The following DRD5 variants were observed in gnomAD, a reference collection of about 807,000 sequenced individuals.
DRD5 encodes dopamine receptor D5.
For synonymous variants in DRD5, 327 were observed against 277.1 expected, an observed-to-expected ratio of 1.18 and a Z score of -1.79; for missense variants, 758 against 657.8, an observed-to-expected ratio of 1.15 and a Z score of -1.67.
rs761482714 is a variant in DRD5 at position 9,783,414 on chromosome 4, A to G, written c.1385A>G (p.Glu462Gly). The change falls in exon 1 of 1, where the codon GAG (glutamate) becomes GGG (glycine). Residue 462 changes from glutamate (E) to glycine (G), a missense_variant. Coordinates refer to ENST00000304374, the MANE Select transcript of DRD5 (RefSeq NM_000798.5). ...ESVWELDCEG[E>G]ISLDKITPFT... is the part of the protein sequence containing the mutation. ...GTCTGGGAGCTGGACTGCGAGGGGG[A>G]GATTTCTTTAGACAAAATAACACCT... 3.1e-6 allele frequency: 5 copies of G among 1,613,656 alleles called. No homozygotes were observed. Among genetic ancestry groups the G allele is most frequent in the East Asian group, 2.2e-5 (1 of 44,882 alleles).
chr4:9,783,133 G>C lies in DRD5; in HGVS notation c.1104G>C (p.Val368=). ...CCTTCAACGCCGACTTTCAGAAGGT[G>C]TTTGCCCAGCTGCTGGGGTGCAGCC... ...IYAFNADFQK[V]FAQLLGCSHF... Residue 368 remains valine, a synonymous_variant, in exon 1 of 1, where the codon GTG becomes GTC. Transcript: ENST00000304374. 1 of 1,614,224 alleles carries C rather than the reference G, an allele frequency of 6.2e-7. No homozygotes were observed. The highest frequency in any genetic ancestry group is 8.5e-7 in the Non-Finnish European group (1 of 1,180,038).
Position 9,782,696 on chromosome 4 carries a change from C to G in DRD5, c.667C>G (p.Arg223Gly). ...AGAGAACTGTGACTCCAGCCTGAAT[C>G]GAACCTACGCCATCTCTTCCTCGCT... ...NAENCDSSLN[R>G]TYAISSSLIS... The change falls in exon 1 of 1, where the codon CGA becomes GGA. Residue 223 changes from arginine to glycine, a missense_variant. Transcript: ENST00000304374. 6.2e-7 allele frequency: 1 copy of G among 1,614,044 alleles called. No homozygotes were observed. The highest frequency in any genetic ancestry group is 8.5e-7 in the Non-Finnish European group (1 of 1,179,882).
chr4:9,783,961 G>T lies in DRD5; in HGVS notation c.*498G>T, dbSNP rs1414422703. ...TGGGGGCCTCTTTACCATAGCTTAAGAAGTATCCCTGATTTATTCTGGTGT... is the reference window on the plus strand; with the variant it reads ...TGGGGGCCTCTTTACCATAGCTTAATAAGTATCCCTGATTTATTCTGGTGT... On this transcript the variant is annotated 3_prime_UTR_variant, in exon 1 of 1. Coordinates refer to ENST00000304374, the MANE Select transcript of DRD5 (RefSeq NM_000798.5). 5.9e-6 allele frequency: 1 copy of T among 169,290 alleles called. No homozygotes were observed. 10.5% of individuals were successfully genotyped at this position (169,290 alleles called of 1,614,324 possible). A position where few individuals can be genotyped will look rare whatever the true frequency, so the allele number is the denominator to read the frequency against.
chr4:9,781,686 G>A lies in DRD5; in HGVS notation c.-344G>A, dbSNP rs547504779. Reference sequence around the variant, plus strand: ...TGCCCCAGCCCCTCAGTGGCGGCTTGCTCTCTTCTCTCGCTCCGAACCAGA... The same window carrying A: ...TGCCCCAGCCCCTCAGTGGCGGCTTACTCTCTTCTCTCGCTCCGAACCAGA... On this transcript the variant is annotated 5_prime_UTR_variant, in exon 1 of 1. Coordinates refer to ENST00000304374, the MANE Select transcript of DRD5 (RefSeq NM_000798.5). 244 of 234,060 alleles carry A rather than the reference G, an allele frequency of 1.0e-3. No individual in the cohort carries two copies. Among genetic ancestry groups the A allele is most frequent in the African/African-American group, 5.3e-3 (235 of 44,614 alleles). 14.5% of individuals were successfully genotyped at this position (234,060 alleles called of 1,614,324 possible). A position where few individuals can be genotyped will look rare whatever the true frequency, so the allele number is the denominator to read the frequency against.
rs1290809760 is a variant in DRD5, at chr4:9,782,224, C to T, written c.195C>T (p.Ile65=). ...GCAACGTGCTGGTGTGCGCAGCCAT[C>T]GTGCGGAGCCGCCACCTGCGCGCCA... ...LLGNVLVCAA[I]VRSRHLRANM... Residue 65 remains isoleucine, a synonymous_variant, in exon 1 of 1, where the codon ATC becomes ATT. Transcript: ENST00000304374. 9.9e-6 allele frequency: 16 copies of T among 1,612,644 alleles called. No homozygotes were observed. The highest frequency in any genetic ancestry group is 1.3e-5 in the African/African-American group (1 of 74,924).
At position 9,781,960 on chromosome 4, in the gene DRD5, T is replaced by A; in HGVS notation, c.-70T>A. 1.5e-6 allele frequency: 2 copies of A among 1,310,344 alleles called. No individual in the cohort carries two copies. The highest frequency in any genetic ancestry group is 1.7e-5 in the South Asian group (1 of 57,500). The allele number at this position is 1,310,344 out of a possible 1,614,324, so 81.2% of individuals were successfully genotyped here. A position where few individuals can be genotyped will look rare whatever the true frequency, so the allele number is the denominator to read the frequency against. On this transcript the variant is annotated 5_prime_UTR_variant, in exon 1 of 1. An upstream start codon of the reference 5' UTR is lost. Coordinates refer to ENST00000304374, the MANE Select transcript of DRD5 (RefSeq NM_000798.5). ...GGGGGCGCATCCTCGGGGTGCCCGA[T>A]GGGGCTGCCTGGGGGTCGCAGGGCT...
rs563430281 is a variant in DRD5, at chr4:9,782,024, C to A, written c.-6C>A. On this transcript the variant is annotated 5_prime_UTR_variant, in exon 1 of 1. Transcript: ENST00000304374. ...CGCACAGACCGCCCCTGCAGTCCAGCCCGAAATGCTGCCGCCAGGCAGCAA... is the reference window on the plus strand; with the variant it reads ...CGCACAGACCGCCCCTGCAGTCCAGACCGAAATGCTGCCGCCAGGCAGCAA... The A allele has an allele frequency of 6.9e-6, 10 of 1,458,024 alleles. No homozygotes were observed. The South Asian group carries it at 7.2e-5, about 10-fold the overall frequency. 90.3% of individuals were successfully genotyped at this position (1,458,024 alleles called of 1,614,324 possible). A position where few individuals can be genotyped will look rare whatever the true frequency, so the allele number is the denominator to read the frequency against.
In DRD5 at chr4:9,783,726, T is replaced by A; in HGVS notation, c.*263T>A. 1 of 395,860 alleles carries A rather than the reference T, an allele frequency of 2.5e-6. No homozygotes were observed. Among genetic ancestry groups the A allele is most frequent in the East Asian group, 4.3e-5 (1 of 23,304 alleles). The allele number at this position is 395,860 out of a possible 1,614,324, so 24.5% of individuals were successfully genotyped here. A position where few individuals can be genotyped will look rare whatever the true frequency, so the allele number is the denominator to read the frequency against. Reference sequence around the variant, plus strand: ...TGAGAGAAGAGAGTATGGTGCTGGGTCCTTAAAAAAAAAAATGATACTTGG... The same window carrying A: ...TGAGAGAAGAGAGTATGGTGCTGGGACCTTAAAAAAAAAAATGATACTTGG... On this transcript the variant is annotated 3_prime_UTR_variant, in exon 1 of 1. Transcript: ENST00000304374.
Position 9,782,204 on chromosome 4 carries a change from G to C in DRD5, c.175G>C (p.Val59Leu). The part of the protein sequence containing the change: ...LLIIWTLLGN[V>L]LVCAAIVRSR... ...CATCATCTGGACCCTGCTGGGCAAC[G>C]TGCTGGTGTGCGCAGCCATCGTGCG... Residue 59 changes from valine to leucine, a missense_variant, in exon 1 of 1, where the codon GTG (valine) becomes CTG (leucine). Transcript: ENST00000304374. The C allele has an allele frequency of 4.3e-6, 7 of 1,611,020 alleles. No homozygotes were observed. The highest frequency in any genetic ancestry group is 5.9e-6 in the Non-Finnish European group (7 of 1,178,694).
rs777868525 is a variant in DRD5, at chr4:9,782,107, C to T, written c.78C>T (p.Ala26=). 6.5e-7 allele frequency: 1 copy of T among 1,545,516 alleles called. No individual in the cohort carries two copies. The highest frequency in any genetic ancestry group is 2.3e-5 in the East Asian group (1 of 43,700). Residue 26 remains alanine, a synonymous_variant, in exon 1 of 1, where the codon GCC becomes GCT. Coordinates refer to ENST00000304374, the MANE Select transcript of DRD5 (RefSeq NM_000798.5). The stretch of plus-strand genomic sequence containing the variant: ...ACCAGCAGCTGGCGCAGGGGAACGC[C>T]GTGGGGGGCTCGGCGGGGGCACCGC... ...ALYQQLAQGN[A]VGGSAGAPPL...
Position 9,782,173 on chromosome 4 carries a change from C to A in DRD5, c.144C>A (p.Thr48=). 1.9e-6 allele frequency: 3 copies of A among 1,599,402 alleles called. No homozygotes were observed. Among genetic ancestry groups the A allele is most frequent in the Admixed American group, 1.7e-5 (1 of 59,278 alleles). ...AGGTGGTCACCGCCTGCCTGCTGAC[C>A]CTACTCATCATCTGGACCCTGCTGG... ...PSQVVTACLL[T]LLIIWTLLGN... The change falls in exon 1 of 1, where the codon ACC becomes ACA. Residue 48 remains threonine (T), a synonymous_variant. Transcript: ENST00000304374.
Position 9,781,948 on chromosome 4 carries a change from C to A in DRD5, c.-82C>A. ...TCCCTTGGCTGAGGGGGCGCATCCT[C>A]GGGGTGCCCGATGGGGCTGCCTGGG... On this transcript the variant is annotated 5_prime_UTR_variant, in exon 1 of 1. Coordinates refer to ENST00000304374, the MANE Select transcript of DRD5 (RefSeq NM_000798.5). 1.6e-6 allele frequency: 2 copies of A among 1,234,462 alleles called. No individual in the cohort carries two copies. Among genetic ancestry groups the A allele is most frequent in the East Asian group, 2.8e-5 (1 of 36,060 alleles). 76.5% of individuals were successfully genotyped at this position (1,234,462 alleles called of 1,614,324 possible).
chr4:9,782,341 C>G lies in DRD5; in HGVS notation c.312C>G (p.Ala104=). The part of the protein sequence containing the change: ...VMPWKAVAEV[A]GYWPFGAFCD... Reference sequence around the variant, plus strand: ...CCTGGAAGGCAGTCGCCGAGGTGGCCGGTTACTGGCCCTTTGGAGCGTTCT... The same window carrying G: ...CCTGGAAGGCAGTCGCCGAGGTGGCGGGTTACTGGCCCTTTGGAGCGTTCT... The change falls in exon 1 of 1, where the codon GCC becomes GCG. Residue 104 remains alanine, a synonymous_variant. Coordinates refer to ENST00000304374, the MANE Select transcript of DRD5 (RefSeq NM_000798.5). The G allele has an allele frequency of 6.2e-7, 1 of 1,614,030 alleles. No individual in the cohort carries two copies. Among genetic ancestry groups the G allele is most frequent in the Non-Finnish European group, 8.5e-7 (1 of 1,179,882 alleles).
In DRD5 at chr4:9,783,534, A is replaced by C; in HGVS notation, c.*71A>C. 7.2e-7 allele frequency: 1 copy of C among 1,381,610 alleles called. No individual in the cohort carries two copies. The highest frequency in any genetic ancestry group is 2.2e-5 in the Admixed American group (1 of 45,194). 85.6% of individuals were successfully genotyped at this position (1,381,610 alleles called of 1,614,324 possible). On this transcript the variant is annotated 3_prime_UTR_variant, in exon 1 of 1. Coordinates refer to ENST00000304374, the MANE Select transcript of DRD5 (RefSeq NM_000798.5). ...ATTGACAAGCACGCACACACACGCA[A>C]ATACATGCCTTTCCAGTGCTGCTCC...
chr4:9,783,323 G>T lies in DRD5; in HGVS notation c.1294G>T (p.Gly432Cys), dbSNP rs1718770104. 1 of 1,614,202 alleles carries T rather than the reference G, an allele frequency of 6.2e-7. No individual in the cohort carries two copies. The highest frequency in any genetic ancestry group is 1.3e-5 in the African/African-American group (1 of 75,044). ...GGAGGTGGACAACGACGAGGAGGAG[G>T]GTCCTTTCGATCGCATGTTCCAGAT... is the stretch of plus-strand genomic sequence containing the variant. ...NREVDNDEEE[G>C]PFDRMFQIYQ... The change falls in exon 1 of 1, where the codon GGT (glycine) becomes TGT (cysteine). Residue 432 changes from glycine to cysteine, a missense_variant. Gly to Cys is a radical substitution (Grantham distance 159). Transcript: ENST00000304374.
rs760379596 is a variant in DRD5, at chr4:9,783,209, A to G, written c.1180A>G (p.Ile394Val). Reference protein sequence around the residue: ...VETVNISNELISYNQDIVFHK... With the variant: ...VETVNISNELVSYNQDIVFHK... ...GACGGTGAACATCAGCAATGAGCTC[A>G]TCTCCTACAACCAAGACATCGTCTT... is the stretch of plus-strand genomic sequence containing the variant. Residue 394 changes from isoleucine to valine, a missense_variant, in exon 1 of 1, where the codon ATC (isoleucine) becomes GTC (valine). Coordinates refer to ENST00000304374, the MANE Select transcript of DRD5 (RefSeq NM_000798.5). 2 of 1,614,188 alleles carry G rather than the reference A, an allele frequency of 1.2e-6. No homozygotes were observed. The highest frequency in any genetic ancestry group is 2.2e-5 in the East Asian group (1 of 44,858).
chr4:9,781,766 G>A lies in DRD5; in HGVS notation c.-264G>A. 2.5e-6 allele frequency: 1 copy of A among 399,750 alleles called. No individual in the cohort carries two copies. The highest frequency in any genetic ancestry group is 4.4e-6 in the Non-Finnish European group (1 of 227,820). 24.8% of individuals were successfully genotyped at this position (399,750 alleles called of 1,614,324 possible). A position where few individuals can be genotyped will look rare whatever the true frequency, so the allele number is the denominator to read the frequency against. On this transcript the variant is annotated 5_prime_UTR_variant, in exon 1 of 1. Transcript: ENST00000304374. ...CTACAGACTCCCGAGAACAGCCCTG[G>A]CTGTCAGCGAGCACCAGCCGCTTCC...
Position 9,783,523 on chromosome 4 carries a change from A to G in DRD5, c.*60A>G. The G allele has an allele frequency of 6.9e-6, 10 of 1,459,356 alleles. 1 individual carries two copies. The South Asian group carries it at 1.2e-4, about 17-fold the overall frequency. The allele number at this position is 1,459,356 out of a possible 1,614,324, so 90.4% of individuals were successfully genotyped here. ...ACCGCACAGACATTGACAAGCACGC[A>G]CACACACGCAAATACATGCCTTTCC... On this transcript the variant is annotated 3_prime_UTR_variant, in exon 1 of 1. Transcript: ENST00000304374.
Position 9,782,520 on chromosome 4 carries a change from C to A in DRD5, c.491C>A (p.Ala164Glu), listed in dbSNP as rs1387130800. ...QRMALVMVGL[A>E]WTLSILISFI... is the part of the protein sequence containing the mutation. ...ATGGCCTTGGTCATGGTCGGCCTGG[C>A]ATGGACCTTGTCCATCCTCATCTCC... Residue 164 changes from alanine to glutamate, a missense_variant, in exon 1 of 1, where the codon GCA becomes GAA. By Grantham distance (107) the Ala-to-Glu change is moderately radical. Transcript: ENST00000304374. 1.2e-5 allele frequency: 20 copies of A among 1,614,010 alleles called. No individual in the cohort carries two copies. The highest frequency in any genetic ancestry group is 1.7e-5 in the Non-Finnish European group (20 of 1,179,872).
Sources: allele counts gnomAD v4.1 joint callset, GRCh38; gene constraint gnomAD v4.1.1; transcripts MANE v1.5; gene names NCBI Gene and HGNC (gene_info 2026-07-23, HGNC 2026-07-21).